The following TRPM3 variants were observed in gnomAD, a reference collection of about 807,000 sequenced individuals.
TRPM3 encodes the protein long transient receptor potential channel 3.
TRPM3 carries 77 observed loss-of-function variants against 181.2 expected under a neutral mutation model. The ratio of observed to expected loss-of-function variants is 0.42; its 90% CI spans 0.35 to 0.51. The LOEUF is 0.51. Among genes scored for constraint, TRPM3 ranks in the 20% least tolerant of loss-of-function variants. TRPM3 has a pLI of 0.01. For missense variants in TRPM3, 1,759 were observed against 2,196.7 expected, an observed-to-expected ratio of 0.80 and a Z score of 3.98; for synonymous variants, 745 against 796.4, an observed-to-expected ratio of 0.94 and a Z score of 1.09.
At chr9:70,601,623 C>T (rs1366655172) in intron 20 of TRPM3, among the ~76,000 whole-genome samples, 2 of 152,184 alleles carry the variant, frequency 1.3e-5, no homozygotes, top group East Asian at 1.9e-4. Flanking sequence ...TCACTCCCCA[C>T]GGGAAGCGGG....
chr9:70,847,689 GAT>G (rs1259972180), intron 3 of TRPM3, among the ~76,000 whole-genome samples: 2 of 152,082 alleles, frequency 1.3e-5, no homozygotes, highest in Non-Finnish European at 1.5e-5. Flanking sequence ...CACAGAAGAA[GAT>G]GGCAAGAAAA....
intron 1 of TRPM3, among the ~76,000 whole-genome samples, chr9:70,909,087 A>G (rs1255763048): frequency 6.6e-6 from 1 of 152,210 alleles, no homozygotes; most frequent in Non-Finnish European, 1.5e-5. Context: ...ACTGCAGGTG[A>G]AAAAAGATTA....
At chr9:70,643,737 A>C (rs1039034325) in intron 9 of TRPM3, among the ~76,000 whole-genome samples, 2 of 152,234 alleles carry the variant, frequency 1.3e-5, no homozygotes, top group African/African-American at 4.8e-5. Context: ...GAGCTTTAAA[A>C]TATACTCATG....
At chr9:70,787,763 C>CTTTTTTTTTTTTTTTTTTTTTTTGTT (rs2084154820) in intron 6 of TRPM3, among the ~76,000 whole-genome samples, 5 of 68,558 alleles carry the variant, frequency 7.3e-5, no homozygotes, top group Admixed American at 1.8e-4. Context: ...TTTTTGGATT[C>CTTTTTTTTTTTTTTTTTTTTTTTGTT]TTTTTTTTTT....
In TRPM3 at chr9:70,591,270, T is replaced by C. The variant is rs569663544; in HGVS notation, c.3049-65A>G. The C allele has an allele frequency of 2.6e-4, 363 of 1,412,850 alleles. 5 individuals carry two copies. The South Asian group carries it at 3.7e-3, about 14-fold the overall frequency. The allele number at this position is 1,412,850 out of a possible 1,614,324, so 87.5% of individuals were successfully genotyped here. A position where few individuals can be genotyped will look rare whatever the true frequency, so the allele number is the denominator to read the frequency against. On this transcript the variant is annotated intron_variant, in intron 21 of 25. Coordinates refer to ENST00000677713, the MANE Select transcript of TRPM3 (RefSeq NM_001366145.2). ...CCCATATGATTGAGTGTTCTTATAA[T>C]TGCTGACAATGATGGGAACCTTTGG...
intron 24 of TRPM3, among the ~76,000 whole-genome samples, chr9:70,552,019 A>G (rs2131849796): frequency 6.6e-6 from 1 of 152,316 alleles, no homozygotes; most frequent in East Asian, 1.9e-4. Context: ...TATACTGGTG[A>G]CCACACAGAG....
At chr9:70,580,054 A>G in intron 22 of TRPM3, among the ~76,000 whole-genome samples, 1 of 152,240 alleles carries the variant, frequency 6.6e-6, no homozygotes, top group East Asian at 1.9e-4. Context: ...TAAGGCGAGA[A>G]GAGTCAGCAG....
intron 8 of TRPM3, among the ~76,000 whole-genome samples, chr9:70,692,923 C>T (rs1277465712): frequency 6.6e-6 from 1 of 152,138 alleles, no homozygotes; most frequent in Admixed American, 6.5e-5. Flanking sequence ...AAATATGGGT[C>T]AGTCACTCAA....
chr9:71,262,607 T>C (rs565994133), intron 1 of TRPM3, among the ~76,000 whole-genome samples: 1 of 152,216 alleles, frequency 6.6e-6, no homozygotes, highest in Admixed American at 6.5e-5. Flanking sequence ...GCTAGCTCAG[T>C]GTCTGCCCAA....
At chr9:71,104,196 G>A (rs140061995) in intron 1 of TRPM3, among the ~76,000 whole-genome samples, 459 of 152,270 alleles carry the variant, frequency 3.0e-3, no homozygotes, top group Non-Finnish European at 4.6e-3. Flanking sequence ...GATTACAGGT[G>A]TGAATCACCA....
At chr9:70,624,144 T>A (rs1431050626) in intron 14 of TRPM3, among the ~76,000 whole-genome samples, 3 of 152,176 alleles carry the variant, frequency 2.0e-5, no homozygotes, top group African/African-American at 7.2e-5. Context: ...ATAGAGGTGA[T>A]ACTAATGAAA....
chr9:70,686,686 T>TTTCCTTCCTTCCTTCCTTCC (rs778689995), intron 8 of TRPM3, among the ~76,000 whole-genome samples: 52 of 58,864 alleles, frequency 8.8e-4, no homozygotes, highest in South Asian at 1.6e-3. Flanking sequence ...TCCTTCCTTC[T>TTTCCTTCCTTCCTTCCTTCC]TTCCTTCCTT....
intron 5 of TRPM3, among the ~76,000 whole-genome samples, chr9:70,833,071 G>C (rs1481750571): frequency 6.6e-6 from 1 of 152,130 alleles, no homozygotes; most frequent in Non-Finnish European, 1.5e-5. Flanking sequence ...ACTAATTTCT[G>C]TTTCCTGCCT....
At chr9:70,888,292 T>C (rs376432486) in intron 1 of TRPM3, among the ~76,000 whole-genome samples, 1 of 152,064 alleles carries the variant, frequency 6.6e-6, no homozygotes, top group South Asian at 2.1e-4. Context: ...TATGGCAATA[T>C]AGTCACATTT....
chr9:70,939,019 T>C (rs1293881191), intron 1 of TRPM3, among the ~76,000 whole-genome samples: 2 of 152,030 alleles, frequency 1.3e-5, no homozygotes, highest in African/African-American at 2.4e-5. Flanking sequence ...TCTTTAAAGT[T>C]CACTTTGCAT....
At chr9:71,055,558 A>G (rs1039451144) in intron 1 of TRPM3, among the ~76,000 whole-genome samples, 1 of 152,042 alleles carries the variant, frequency 6.6e-6, no homozygotes, top group Admixed American at 6.6e-5. Flanking sequence ...CTTATATTCA[A>G]TTGGAACATT....
chr9:70,876,291 A>G (rs1487966705), intron 1 of TRPM3, among the ~76,000 whole-genome samples: 1 of 146,002 alleles, frequency 6.8e-6, no homozygotes, highest in Non-Finnish European at 1.5e-5. Context: ...ACACACACAT[A>G]TATAGACATA....
chr9:71,419,097 A>C (rs1168665765), intron 1 of TRPM3, among the ~76,000 whole-genome samples: 1 of 151,598 alleles, frequency 6.6e-6, no homozygotes, highest in Non-Finnish European at 1.5e-5. Context: ...AAAAAAATGT[A>C]AAATATTGGA....
At chr9:71,141,046 T>C (rs1209034121) in intron 1 of TRPM3, among the ~76,000 whole-genome samples, 1 of 152,224 alleles carries the variant, frequency 6.6e-6, no homozygotes, top group South Asian at 2.1e-4. Context: ...AAAAAGATTA[T>C]GCATATCACA....
Sources: gnomAD v4.1 joint callset for allele counts (sites outside exome capture counted in the v4.1 genomes callset) on GRCh38, gnomAD v4.1.1 for gene constraint, MANE v1.5 for transcripts, NCBI Gene and HGNC (gene_info 2026-07-23, HGNC 2026-07-21) for gene names.